The following SYT1 variants were observed in gnomAD, a reference collection of about 807,000 sequenced individuals.
SYT1 encodes the protein synaptotagmin 1, also known as synaptotagmin-1.
Under a neutral mutation model 44.8 loss-of-function variants are expected in SYT1, and 8 were observed. The observed-to-expected ratio is 0.18, with a 90% CI of 0.10 to 0.32. The LOEUF is 0.32. Ranked by LOEUF, SYT1 falls within the 10% of genes least tolerant of loss-of-function variation. The probability of loss-of-function intolerance (pLI) is 1.00; values close to 1 mark genes in which losing one functional copy is unlikely to be tolerated. For synonymous variants in SYT1, 154 were observed against 188.8 expected (o/e 0.82, Z 1.51); for missense variants, 286 against 509.3 (o/e 0.56, Z 4.22).
At chr12:79,323,953 T>C (rs989048147) in intron 8 of SYT1, among the ~76,000 whole-genome samples, 14 of 144,292 alleles carry the variant, frequency 9.7e-5, no homozygotes, top group South Asian at 2.2e-4. Context: ...ATTTTCTTTT[T>C]TTTTTTTTTT....
chr12:79,058,171 G>A lies in SYT1; in HGVS notation c.-18+10809G>A, dbSNP rs141769533. Reference sequence around the variant, plus strand: ...TACAAGCAGTCCCCAACTTATGAATGAGTTATATAACAAAATTCCTTTTAA... The same window carrying A: ...TACAAGCAGTCCCCAACTTATGAATAAGTTATATAACAAAATTCCTTTTAA... On this transcript the variant is annotated intron_variant, in intron 3 of 10. Coordinates refer to ENST00000261205, the MANE Select transcript of SYT1 (RefSeq NM_005639.3). 2.8e-3 allele frequency among the ~76,000 whole-genome samples: 430 copies of A among 152,032 alleles called. 2 individuals are homozygous for A. The highest frequency in any genetic ancestry group is 9.9e-3 in the African/African-American group (410 of 41,496).
intron 9 of SYT1, among the ~76,000 whole-genome samples, chr12:79,383,590 C>T (rs894511751): frequency 6.6e-6 from 1 of 152,112 alleles, no homozygotes; most frequent in Non-Finnish European, 1.5e-5. Context: ...CCCTTTATGT[C>T]CATTTTGTTG....
chr12:78,932,426 T>C (rs1193386522), intron 1 of SYT1, among the ~76,000 whole-genome samples: 1 of 152,192 alleles, frequency 6.6e-6, no homozygotes, highest in African/African-American at 2.4e-5. Flanking sequence ...ATATTTGTTC[T>C]AAAACACTTG....
chr12:79,095,607 G>A (rs1878074304), intron 3 of SYT1, among the ~76,000 whole-genome samples: 1 of 151,846 alleles, frequency 6.6e-6, no homozygotes, highest in Non-Finnish European at 1.5e-5. Context: ...AAGAGACAAG[G>A]AGTGACTCTT....
intron 2 of SYT1, among the ~76,000 whole-genome samples, chr12:79,040,222 A>C (rs573029750): frequency 6.6e-6 from 1 of 151,040 alleles, no homozygotes; most frequent in African/African-American, 2.4e-5. Context: ...TGGTTGAACT[A>C]GTTTACAGTC....
intron 3 of SYT1, among the ~76,000 whole-genome samples, chr12:79,147,063 A>G (rs534290073): frequency 1.3e-5 from 2 of 151,820 alleles, no homozygotes; most frequent in African/African-American, 4.8e-5. Flanking sequence ...CTGGTCTCGA[A>G]CTCCTCACCT....
chr12:78,997,013 A>T (rs2137512191), intron 2 of SYT1, among the ~76,000 whole-genome samples: 1 of 152,340 alleles, frequency 6.6e-6, no homozygotes, highest in Non-Finnish European at 1.5e-5. Flanking sequence ...CATCTCAAAG[A>T]GAGAGGGATC....
chr12:79,025,636 T>C (rs1213799690), intron 2 of SYT1, among the ~76,000 whole-genome samples: 2 of 151,594 alleles, frequency 1.3e-5, no homozygotes, highest in African/African-American at 4.8e-5. Context: ...TATATGTATG[T>C]ATATGTGTTT....
At chr12:78,874,000 A>G (rs1158114985) in intron 1 of SYT1, among the ~76,000 whole-genome samples, 1 of 151,668 alleles carries the variant, frequency 6.6e-6, no homozygotes, top group Non-Finnish European at 1.5e-5. Context: ...AAAGAATACA[A>G]AATTATATGA....
At chr12:78,930,463 A>G (rs1176891150) in intron 1 of SYT1, among the ~76,000 whole-genome samples, 1 of 151,990 alleles carries the variant, frequency 6.6e-6, no homozygotes, top group Non-Finnish European at 1.5e-5. Flanking sequence ...AGTAACAAAG[A>G]AAACAAAAAG....
chr12:79,180,012 ATGAT>A (rs780587046), intron 3 of SYT1, among the ~76,000 whole-genome samples: 12 of 152,038 alleles, frequency 7.9e-5, no homozygotes, highest in Non-Finnish European at 1.6e-4. Context: ...TTATGCTATA[ATGAT>A]GTACTTTGTG....
intron 2 of SYT1, among the ~76,000 whole-genome samples, chr12:79,002,003 T>A (rs1264278016): frequency 6.6e-6 from 1 of 152,144 alleles, no homozygotes; most frequent in African/African-American, 2.4e-5. Context: ...AATCCTATTT[T>A]AAGAGCATTC....
At chr12:79,351,290 C>G (rs1405084988) in intron 8 of SYT1, among the ~76,000 whole-genome samples, 2 of 152,076 alleles carry the variant, frequency 1.3e-5, no homozygotes, top group African/African-American at 4.8e-5. Context: ...TTTTAAACTT[C>G]CTATGTGTCA....
rs1298020209 is a variant in SYT1, at chr12:79,311,237, C to T, written c.810+11686C>T. Among the ~76,000 whole-genome samples the T allele has an allele frequency of 2.0e-5, 3 of 152,256 alleles. No homozygotes were observed. In the East Asian group the frequency reaches 5.8e-4, roughly 29 times the overall value. On this transcript the variant is annotated intron_variant, in intron 8 of 10. Transcript: ENST00000261205. ...TGAACAGACACTTCTCAAAAGAAGA[C>T]ATTTATGCAGCCAAAAAACACATGA... is the stretch of plus-strand genomic sequence containing the variant.
At chr12:79,093,966 ATAAAG>A (rs954052305) in intron 3 of SYT1, among the ~76,000 whole-genome samples, 6 of 151,696 alleles carry the variant, frequency 4.0e-5, no homozygotes, top group Non-Finnish European at 7.4e-5. Flanking sequence ...AAGCTTTCTC[ATAAAG>A]TAATTTTACA....
At chr12:79,418,213 G>A (rs1868877284) in intron 9 of SYT1, among the ~76,000 whole-genome samples, 1 of 152,052 alleles carries the variant, frequency 6.6e-6, no homozygotes, top group Non-Finnish European at 1.5e-5. Flanking sequence ...GCTAACATTT[G>A]GTCCAGATGT....
At chr12:79,034,114 T>A (rs1190946309) in intron 2 of SYT1, among the ~76,000 whole-genome samples, 1 of 151,512 alleles carries the variant, frequency 6.6e-6, no homozygotes, top group East Asian at 1.9e-4. Flanking sequence ...TTGAATTTTT[T>A]AAATATAAGA....
At chr12:79,019,145 G>A (rs891413597) in intron 2 of SYT1, among the ~76,000 whole-genome samples, 12 of 151,868 alleles carry the variant, frequency 7.9e-5, no homozygotes, top group East Asian at 1.9e-4. Context: ...CTGTATCAAG[G>A]GGTCACAGAT....
intron 9 of SYT1, among the ~76,000 whole-genome samples, chr12:79,391,969 A>G (rs1239967899): frequency 2.2e-5 from 1 of 44,972 alleles, no homozygotes; most frequent in African/African-American, 3.3e-5. Context: ...TCCAATTCAT[A>G]TTGTAAACCT....
Sources: gnomAD v4.1 joint callset for allele counts (sites outside exome capture counted in the v4.1 genomes callset) on GRCh38, gnomAD v4.1.1 for gene constraint, MANE v1.5 for transcripts, NCBI Gene and HGNC (gene_info 2026-07-23, HGNC 2026-07-21) for gene names.